The following FRMD6 variants were observed in gnomAD, a reference collection of about 807,000 sequenced individuals.
FRMD6 encodes FERM domain containing 6, also known as FERM domain-containing protein 6.
A neutral mutation model predicts 73.2 loss-of-function variants in FRMD6; 37 were observed. The ratio of observed to expected loss-of-function variants is 0.51; its 90% CI spans 0.39 to 0.66. The LOEUF (loss-of-function observed/expected upper bound fraction) is 0.66. Among genes scored for constraint, FRMD6 ranks in the 30% least tolerant of loss-of-function variants. The probability of loss-of-function intolerance (pLI) is 0.00; values close to 1 mark genes in which losing one functional copy is unlikely to be tolerated. For synonymous variants in FRMD6, 273 were observed against 282.2 expected (o/e 0.97, Z 0.33); for missense variants, 714 against 780.5 (o/e 0.91, Z 1.02).
chr14:51,425,678 C>A, the FRMD6 span, among the ~76,000 whole-genome samples: 1 of 152,188 alleles, frequency 6.6e-6, no homozygotes, highest in Non-Finnish European at 1.5e-5. Context: ...TGGCTGCAGT[C>A]TCCTCATCCC....
At chr14:51,651,480 C>T (rs934748549), upstream of FRMD6, 3 of 152,370 alleles carry the variant, frequency 2.0e-5, no homozygotes, top group Admixed American at 2.0e-4. Context: ...CGAGGGAGTC[C>T]AGCCGGAGGC....
intron 1 of FRMD6, among the ~76,000 whole-genome samples, chr14:51,524,237 C>A (rs1235823033): frequency 6.6e-6 from 1 of 152,066 alleles, no homozygotes; most frequent in African/African-American, 2.4e-5. Context: ...TTTTTCTGTG[C>A]CCCACCTCCT....
chr14:51,477,710 TTTTCTTTC>T, the FRMD6 span, among the ~76,000 whole-genome samples: 4 of 146,178 alleles, frequency 2.7e-5, no homozygotes, highest in African/African-American at 7.7e-5. Context: ...TTTCTTTTTC[TTTTCTTTC>T]TTTCTTTCTT....
chr14:51,721,634 G>A (rs1165543160), intron 11 of FRMD6, among the ~76,000 whole-genome samples: 7 of 81,402 alleles, frequency 8.6e-5, no homozygotes, highest in East Asian at 3.8e-4. Context: ...AGAAAGAGAG[G>A]GAGGGAGGGA....
chr14:51,424,122 A>C, the FRMD6 span, among the ~76,000 whole-genome samples: 2 of 152,238 alleles, frequency 1.3e-5, no homozygotes, highest in South Asian at 2.1e-4. Context: ...AGCAAGGTAC[A>C]TAAGCCTTGA....
intron 6 of FRMD6, among the ~76,000 whole-genome samples, chr14:51,706,612 A>G (rs1331620789): frequency 6.6e-6 from 1 of 151,974 alleles, no homozygotes; most frequent in Non-Finnish European, 1.5e-5. Context: ...TCCTTTAGCC[A>G]GTGAAGCCCC....
In FRMD6 at chr14:51,727,935, GC is replaced by G. The variant is rs1294824814; in HGVS notation, c.1776del (p.Cys592Ter). 2 of 1,614,018 alleles carry G rather than the reference GC, an allele frequency of 1.2e-6. No homozygotes were observed. Among genetic ancestry groups the G allele is most frequent in the Admixed American group, 1.7e-5 (1 of 60,008 alleles). Reference sequence around the variant, plus strand: ...TGCAACAGTTGCTTGGCCCAGCAGTGCATCAACATCCAAGATGCTTTTCCAG... The same window carrying G: ...TGCAACAGTTGCTTGGCCCAGCAGTGATCAACATCCAAGATGCTTTTCCAG... Reference protein sequence around the residue: ...LYCNSCLAQQCINIQDAFPVK... With the variant: ...LYCNSCLAQQXINIQDAFPVK... On this transcript the variant is annotated frameshift_variant, in exon 14 of 14. Coordinates refer to ENST00000344768, the MANE Select transcript of FRMD6 (RefSeq NM_001267046.2). LOFTEE classifies it high-confidence loss of function.
the FRMD6 span, chr14:51,454,728 A>G: frequency 6.6e-6 from 1 of 152,198 alleles, no homozygotes; most frequent in Admixed American, 6.5e-5. Context: ...CTTACTCCAA[A>G]ACCCAGAGTC....
intron 13 of FRMD6, among the ~76,000 whole-genome samples, chr14:51,726,608 GT>G (rs1353020474): frequency 7.2e-5 from 11 of 152,034 alleles, no homozygotes; most frequent in African/African-American, 2.4e-4. Context: ...TGAAAATGAT[GT>G]TTATGAAATA....
chr14:51,694,262 T>A (rs1004918274), intron 2 of FRMD6, among the ~76,000 whole-genome samples: 1 of 152,172 alleles, frequency 6.6e-6, no homozygotes, highest in Admixed American at 6.5e-5. Context: ...AAGATTTGAG[T>A]GAAGTAATTG....
At chr14:51,622,586 C>T (rs1049562419) in intron 2 of FRMD6, among the ~76,000 whole-genome samples, 1 of 152,136 alleles carries the variant, frequency 6.6e-6, no homozygotes, top group Non-Finnish European at 1.5e-5. Flanking sequence ...GAGTTATTTC[C>T]TGCCCTAGAG....
upstream of FRMD6, among the ~76,000 whole-genome samples, chr14:51,647,584 T>G (rs2140062733): frequency 6.6e-6 from 1 of 152,318 alleles, no homozygotes; most frequent in South Asian, 2.1e-4. Flanking sequence ...AAATTTATTT[T>G]GTTTGTTTAA....
intron 2 of FRMD6, among the ~76,000 whole-genome samples, chr14:51,614,669 G>A (rs554558670): frequency 9.9e-5 from 15 of 152,104 alleles, no homozygotes; most frequent in Non-Finnish European, 1.5e-4. Flanking sequence ...CTTTAAAGCA[G>A]CACCCTCTTA....
the FRMD6 span, among the ~76,000 whole-genome samples, chr14:51,419,370 A>G: frequency 1.3e-5 from 2 of 152,112 alleles, no homozygotes; most frequent in African/African-American, 2.4e-5. Flanking sequence ...GGATGGTCTC[A>G]ATTTCTTGAC....
At chr14:51,451,451 G>T in the FRMD6 span, among the ~76,000 whole-genome samples, 1 of 152,316 alleles carries the variant, frequency 6.6e-6, no homozygotes, top group Admixed American at 6.5e-5. Context: ...TCAGCTCACT[G>T]CAGCCTACAC....
Position 51,701,129 on chromosome 14 carries a change from C to A in FRMD6, c.264C>A (p.Ala88=). The change falls in exon 4 of 14, where the codon GCC becomes GCA. Residue 88 remains alanine, a synonymous_variant. Coordinates refer to ENST00000344768, the MANE Select transcript of FRMD6 (RefSeq NM_001267046.2). ...GTCCAAAAGAATGGAAGAAAGAGGC[C>A]AGCAAGGTACGACAATACGAAGTCA... is the stretch of plus-strand genomic sequence containing the variant. ...KYCPKEWKKE[A]SKVRQYEVTW... 6.3e-7 allele frequency: 1 copy of A among 1,582,370 alleles called. No individual in the cohort carries two copies. The highest frequency in any genetic ancestry group is 8.6e-7 in the Non-Finnish European group (1 of 1,161,212).
intron 2 of FRMD6, among the ~76,000 whole-genome samples, chr14:51,623,626 T>C (rs1459054871): frequency 1.3e-5 from 2 of 152,214 alleles, no homozygotes. Context: ...TTTTCCCAGA[T>C]ATCACAGTTT....
chr14:51,548,616 C>T (rs1233178801), intron 1 of FRMD6, among the ~76,000 whole-genome samples: 1 of 152,076 alleles, frequency 6.6e-6, no homozygotes, highest in East Asian at 1.9e-4. Flanking sequence ...AATAATTGGA[C>T]TAAACTCTCA....
intron 1 of FRMD6, chr14:51,652,274 C>T (rs1892467694): frequency 6.6e-6 from 1 of 152,642 alleles, no homozygotes; most frequent in Admixed American, 6.5e-5. Context: ...GCGGACGAGG[C>T]CCTAGGGCAG....
Sources: gnomAD v4.1 joint callset for allele counts (sites outside exome capture counted in the v4.1 genomes callset) on GRCh38, gnomAD v4.1.1 for gene constraint, MANE v1.5 for transcripts, NCBI Gene and HGNC (gene_info 2026-07-23, HGNC 2026-07-21) for gene names.